Variants in BRAF observed in about 807,000 individuals in gnomAD.
BRAF encodes the protein serine/threonine-protein kinase B-raf.
In BRAF, 16 loss-of-function variants were observed where a neutral mutation model predicts 104.6. The ratio of observed to expected loss-of-function variants is 0.15; its 90% CI spans 0.10 to 0.23. The LOEUF (loss-of-function observed/expected upper bound fraction) is 0.23, where lower values mean the gene tolerates loss of function less well. Among genes scored for constraint, BRAF ranks in the 10% least tolerant of loss-of-function variants. The pLI is 1.00. For synonymous variants in BRAF, 310 were observed against 341.6 expected, an observed-to-expected ratio of 0.91 and a Z score of 1.02; for missense variants, 541 against 937.3, an observed-to-expected ratio of 0.58 and a Z score of 5.52.
At chr7:140,730,380 C>T (rs1795871192) in intron 19 of BRAF, among the ~76,000 whole-genome samples, 1 of 151,822 alleles carries the variant, frequency 6.6e-6, no homozygotes, top group African/African-American at 2.4e-5. Context: ...TCTTCTGTTT[C>T]TTTTTTTGAA....
intron 14 of BRAF, among the ~76,000 whole-genome samples, chr7:140,772,088 A>G (rs1309802749): frequency 6.6e-6 from 1 of 152,156 alleles, no homozygotes; most frequent in Non-Finnish European, 1.5e-5. Context: ...GGGAATAGAT[A>G]GGGGGAAATT....
chr7:140,880,670 A>G (rs1586520815), intron 1 of BRAF, among the ~76,000 whole-genome samples: 1 of 152,228 alleles, frequency 6.6e-6, no homozygotes, highest in Non-Finnish European at 1.5e-5. Flanking sequence ...TTGAAAGTCA[A>G]AATTACTCCT....
intron 7 of BRAF, among the ~76,000 whole-genome samples, chr7:140,798,011 T>C (rs1286649128): frequency 6.6e-6 from 1 of 152,150 alleles, no homozygotes; most frequent in South Asian, 2.1e-4. Context: ...TAGGTAAGTA[T>C]ACTCACTGCT....
At chr7:140,826,877 C>A (rs555034069) in intron 3 of BRAF, among the ~76,000 whole-genome samples, 1 of 152,252 alleles carries the variant, frequency 6.6e-6, no homozygotes, top group East Asian at 1.9e-4. Flanking sequence ...TCCCAAGTCC[C>A]AAGAATGATT....
intron 2 of BRAF, 60 bp from the exon 3 acceptor site, chr7:140,834,932 AATATAAAATTTTAGCCT>A: frequency 6.3e-7 from 1 of 1,594,018 alleles, no homozygotes; most frequent in Non-Finnish European, 8.6e-7. Context: ...AACAAAAGAG[AATATAAAATTTTAGCCT>A]TTGATTATAA....
intron 1 of BRAF, among the ~76,000 whole-genome samples, chr7:140,855,511 G>T (rs1809675041): frequency 6.6e-6 from 1 of 151,290 alleles, no homozygotes. Context: ...AAATATAAAT[G>T]CAGACAAACT....
At position 140,808,913 on chromosome 7, in the gene BRAF, G is replaced by T; in HGVS notation, c.587C>A (p.Ala196Asp). 2 of 1,611,946 alleles carry T rather than the reference G, an allele frequency of 1.2e-6. No homozygotes were observed. Among genetic ancestry groups the T allele is most frequent in the Non-Finnish European group, 8.5e-7 (1 of 1,179,416 alleles). ...MMRGLIPECC[A>D]VYRIQDGEKK... ...ATACCCATCCTGAATTCTGTAAACAGCACAGCACTCTGGGATTAGACCTCT... is the reference window on the plus strand; with the variant it reads ...ATACCCATCCTGAATTCTGTAAACATCACAGCACTCTGGGATTAGACCTCT... Residue 196 changes from alanine to aspartate, a missense_variant, in exon 4 of 20, where the codon GCT becomes GAT. Coordinates refer to ENST00000644969, the MANE Select transcript of BRAF (RefSeq NM_001374258.1).
chr7:140,899,152 C>G (rs1815299298), intron 1 of BRAF, among the ~76,000 whole-genome samples: 1 of 152,116 alleles, frequency 6.6e-6, no homozygotes, highest in South Asian at 2.1e-4. Context: ...ATGTCTAAAG[C>G]AATGGCTGAC....
At chr7:140,908,702 G>T (rs1366840969) in intron 1 of BRAF, among the ~76,000 whole-genome samples, 5 of 152,188 alleles carry the variant, frequency 3.3e-5, no homozygotes, top group African/African-American at 1.2e-4. Flanking sequence ...GGAGTGTGTA[G>T]ACAGTTCAGT....
intron 1 of BRAF, among the ~76,000 whole-genome samples, chr7:140,866,902 T>C (rs781728618): frequency 1.3e-5 from 2 of 152,114 alleles, no homozygotes; most frequent in Non-Finnish European, 2.9e-5. Flanking sequence ...GACAGTGTTT[T>C]AAGGATATAA....
chr7:140,717,422 C>T (rs1795154903), downstream of BRAF, among the ~76,000 whole-genome samples: 1 of 152,120 alleles, frequency 6.6e-6, no homozygotes, highest in Non-Finnish European at 1.5e-5. Context: ...AGGTGCGTGA[C>T]ACCATGCCCA....
intron 1 of BRAF, among the ~76,000 whole-genome samples, chr7:140,854,737 G>A (rs1159349941): frequency 6.6e-6 from 1 of 152,090 alleles, no homozygotes; most frequent in Non-Finnish European, 1.5e-5. Context: ...CTTGAGGTCA[G>A]GAGTTCGAGA....
intron 1 of BRAF, among the ~76,000 whole-genome samples, chr7:140,901,517 G>C (rs1420025124): frequency 6.6e-6 from 1 of 152,176 alleles, no homozygotes; most frequent in Non-Finnish European, 1.5e-5. Context: ...GTTGAATCAG[G>C]TTGTTAGGTT....
chr7:140,857,740 A>G (rs1353902233), intron 1 of BRAF, among the ~76,000 whole-genome samples: 2 of 152,206 alleles, frequency 1.3e-5, no homozygotes, highest in African/African-American at 4.8e-5. Context: ...CTTGTGCCAG[A>G]TATCAGAACA....
At chr7:140,807,732 T>C (rs1803809944) in intron 5 of BRAF, among the ~76,000 whole-genome samples, 2 of 152,128 alleles carry the variant, frequency 1.3e-5, no homozygotes, top group Admixed American at 1.3e-4. Flanking sequence ...TTCAAAATTA[T>C]CTTTTAACAA....
chr7:140,759,374 TG>T (rs1798474770), intron 14 of BRAF, among the ~76,000 whole-genome samples: 1 of 152,244 alleles, frequency 6.6e-6, no homozygotes, highest in South Asian at 2.1e-4. Flanking sequence ...TTTGTATTGC[TG>T]GTTCTGATTA....
chr7:140,802,785 T>G (rs187762636), intron 5 of BRAF, among the ~76,000 whole-genome samples: 8 of 152,242 alleles, frequency 5.3e-5, no homozygotes, highest in Admixed American at 5.2e-4. Flanking sequence ...TAATGTAAAT[T>G]TTTTACTTTA....
chr7:140,875,585 C>T (rs949181640), intron 1 of BRAF, among the ~76,000 whole-genome samples: 1 of 152,192 alleles, frequency 6.6e-6, no homozygotes, highest in African/African-American at 2.4e-5. Context: ...ACTATGTTGG[C>T]CAGGCTGGTC....
rs545143942 is a variant in BRAF at position 140,787,721 on chromosome 7, A to G, written c.1141-137T>C. On this transcript the variant is annotated intron_variant, in intron 8 of 19. Transcript: ENST00000644969. ...ATACATCTTATAACTATTACACAAA[A>G]CAATTTGGAATTATCTAGTGAACAT... The G allele has an allele frequency of 1.7e-4, 124 of 743,922 alleles. 1 individual carries two copies. The highest frequency in any genetic ancestry group is 1.4e-3 in the South Asian group (75 of 52,894). The allele number at this position is 743,922 out of a possible 1,614,324, so 46.1% of individuals were successfully genotyped here.
Sources: allele counts gnomAD v4.1 joint callset (sites outside exome capture counted in the v4.1 genomes callset), GRCh38; gene constraint gnomAD v4.1.1; transcripts MANE v1.5; gene names NCBI Gene and HGNC (gene_info 2026-07-23, HGNC 2026-07-21).